Variants in CDK19 observed in about 807,000 individuals in gnomAD.
CDK19 encodes cyclin dependent kinase 19.
CDK19 carries 20 observed loss-of-function variants against 68.3 expected under a neutral mutation model. The ratio of observed to expected loss-of-function variants is 0.29; its 90% confidence interval spans 0.21 to 0.43. The LOEUF is 0.43. Ranked by LOEUF, CDK19 falls within the 20% of genes least tolerant of loss-of-function variation. CDK19 has a pLI of 1.00. For synonymous variants in CDK19, 221 were observed against 222.8 expected, an observed-to-expected ratio of 0.99 and a Z score of 0.07; for missense variants, 339 against 623.5, an observed-to-expected ratio of 0.54 and a Z score of 4.86.
At chr6:110,723,144 C>CA (rs1562233880) in intron 2 of CDK19, among the ~76,000 whole-genome samples, 6 of 135,628 alleles carry the variant, frequency 4.4e-5, no homozygotes, top group African/African-American at 1.4e-4. Context: ...TCAAAAAAAA[C>CA]AAAAAACAAA....
At chr6:110,808,257 T>C (rs1006799712) in intron 1 of CDK19, among the ~76,000 whole-genome samples, 6 of 152,208 alleles carry the variant, frequency 3.9e-5, no homozygotes, top group African/African-American at 1.4e-4. Context: ...GTGTGGCGTG[T>C]GGCTTGTGGC....
chr6:110,639,749 T>A (rs1409423054), intron 4 of CDK19, among the ~76,000 whole-genome samples: 1 of 152,186 alleles, frequency 6.6e-6, no homozygotes, highest in Non-Finnish European at 1.5e-5. Context: ...GAGGAAGTGA[T>A]GAATTAAAGA....
intron 2 of CDK19, among the ~76,000 whole-genome samples, chr6:110,728,690 A>T (rs1776528658): frequency 6.6e-6 from 1 of 152,028 alleles, no homozygotes; most frequent in South Asian, 2.1e-4. Context: ...CTCTCAGGTC[A>T]CTTTCATCCT....
intron 1 of CDK19, among the ~76,000 whole-genome samples, chr6:110,799,144 TAAAAAAAAAAAAA>T (rs369106433): frequency 2.8e-4 from 14 of 49,134 alleles, no homozygotes; most frequent in African/African-American, 1.1e-3. Flanking sequence ...ACCCTGTATT[TAAAAAAAAAAAAA>T]AAAAAAAAAA....
intron 2 of CDK19, among the ~76,000 whole-genome samples, chr6:110,729,684 C>T (rs2097779938): frequency 6.7e-6 from 1 of 150,086 alleles, no homozygotes; most frequent in South Asian, 2.1e-4. Flanking sequence ...TCAAGTGATC[C>T]ACCTGCCTCC....
chr6:110,663,777 T>C (rs1327043496), intron 4 of CDK19, among the ~76,000 whole-genome samples: 1 of 152,176 alleles, frequency 6.6e-6, no homozygotes, highest in African/African-American at 2.4e-5. Context: ...GTGATCCTCC[T>C]GCCTTGGCCT....
chr6:110,738,808 C>T (rs1777444182), intron 2 of CDK19, among the ~76,000 whole-genome samples: 3 of 151,764 alleles, frequency 2.0e-5, no homozygotes, highest in African/African-American at 7.3e-5. Flanking sequence ...TCCAAGGATT[C>T]CACTGAAGTT....
chr6:110,811,615 G>A (rs1452854092), intron 1 of CDK19, among the ~76,000 whole-genome samples: 1 of 152,122 alleles, frequency 6.6e-6, no homozygotes, highest in Admixed American at 6.6e-5. Flanking sequence ...CTGGAAAAAT[G>A]CAGTCTTGAA....
chr6:110,726,269 G>A (rs1285493457), intron 2 of CDK19, among the ~76,000 whole-genome samples: 1 of 152,156 alleles, frequency 6.6e-6, no homozygotes, highest in African/African-American at 2.4e-5. Context: ...GAGATAATTA[G>A]CAAAGGTAAA....
intron 1 of CDK19, among the ~76,000 whole-genome samples, chr6:110,761,264 T>G (rs1045626217): frequency 1.3e-5 from 2 of 152,116 alleles, no homozygotes; most frequent in African/African-American, 2.4e-5. Flanking sequence ...CTGTGATTTT[T>G]GTAGTCTGAA....
At chr6:110,682,429 G>T (rs890184134) in intron 2 of CDK19, among the ~76,000 whole-genome samples, 6 of 152,178 alleles carry the variant, frequency 3.9e-5, no homozygotes, top group African/African-American at 1.4e-4. Context: ...TGTAAATTAA[G>T]AATTAGTATT....
intron 1 of CDK19, among the ~76,000 whole-genome samples, chr6:110,749,515 A>T (rs1345581671): frequency 6.6e-6 from 1 of 151,828 alleles, no homozygotes; most frequent in African/African-American, 2.4e-5. Context: ...CACATACCAC[A>T]CACCCAGGTA....
At chr6:110,616,558 C>T (rs907751120) in intron 12 of CDK19, among the ~76,000 whole-genome samples, 1 of 151,796 alleles carries the variant, frequency 6.6e-6, no homozygotes, top group Non-Finnish European at 1.5e-5. Flanking sequence ...GTTCCAGCTA[C>T]TCGGGAGGCT....
At chr6:110,810,866 G>A (rs1406740947) in intron 1 of CDK19, among the ~76,000 whole-genome samples, 1 of 151,780 alleles carries the variant, frequency 6.6e-6, no homozygotes, top group Non-Finnish European at 1.5e-5. Flanking sequence ...TCCTGTATAT[G>A]TGATAATTTC....
At chr6:110,742,969 C>T (rs1005555626) in intron 2 of CDK19, among the ~76,000 whole-genome samples, 13 of 152,230 alleles carry the variant, frequency 8.5e-5, no homozygotes, top group African/African-American at 3.1e-4. Context: ...CTAACAAAAA[C>T]TTGCTGGTTT....
At chr6:110,655,456 C>G (rs1365772117) in intron 4 of CDK19, among the ~76,000 whole-genome samples, 1 of 152,144 alleles carries the variant, frequency 6.6e-6, no homozygotes, top group Non-Finnish European at 1.5e-5. Context: ...CCATATATCT[C>G]AGAGATATGT....
chr6:110,648,699 C>A (rs557716546), intron 4 of CDK19, among the ~76,000 whole-genome samples: 2 of 151,690 alleles, frequency 1.3e-5, no homozygotes, highest in Admixed American at 6.6e-5. Flanking sequence ...TGCCACCACA[C>A]CTGGCTAATT....
chr6:110,641,508 T>C (rs573864396), intron 4 of CDK19, among the ~76,000 whole-genome samples: 11 of 149,114 alleles, frequency 7.4e-5, no homozygotes, highest in Non-Finnish European at 1.6e-4. Flanking sequence ...GAGGCAGGAA[T>C]CGCTTGAACC....
chr6:110,743,981 T>C (rs1777874429), intron 2 of CDK19, among the ~76,000 whole-genome samples: 2 of 151,142 alleles, frequency 1.3e-5, no homozygotes, highest in Admixed American at 1.3e-4. Context: ...CAAATGCTTA[T>C]CTGGTAAAAC....
Sources: allele counts gnomAD v4.1 joint callset (sites outside exome capture counted in the v4.1 genomes callset), GRCh38; gene constraint gnomAD v4.1.1; transcripts MANE v1.5; gene names NCBI Gene and HGNC (gene_info 2026-07-23, HGNC 2026-07-21).